The following FGF12 variants were observed in gnomAD, a reference collection of about 807,000 sequenced individuals.
FGF12 encodes the protein fibroblast growth factor 12.
A neutral mutation model predicts 23.6 loss-of-function variants in FGF12; 14 were observed. The ratio of observed to expected loss-of-function variants is 0.59; its 90% CI spans 0.39 to 0.93. The LOEUF is 0.93. Among genes scored for constraint, FGF12 ranks in the 40% least tolerant of loss-of-function variants. FGF12 has a pLI of 0.00. For synonymous variants in FGF12, 62 were observed against 77.3 expected, an observed-to-expected ratio of 0.80 and a Z score of 1.04; for missense variants, 175 against 217.8, an observed-to-expected ratio of 0.80 and a Z score of 1.24.
intron 4 of FGF12, among the ~76,000 whole-genome samples, chr3:192,312,271 T>C (rs1418624353): frequency 6.6e-6 from 1 of 152,162 alleles, no homozygotes; most frequent in Non-Finnish European, 1.5e-5. Context: ...CTATGCTTTC[T>C]TCCATGAGTT....
At chr3:192,693,968 G>A (rs1004233737) in intron 2 of FGF12, among the ~76,000 whole-genome samples, 1 of 152,104 alleles carries the variant, frequency 6.6e-6, no homozygotes, top group Admixed American at 6.5e-5. Context: ...TGGAAAAGCA[G>A]ACTAAAGATT....
intron 4 of FGF12, among the ~76,000 whole-genome samples, chr3:192,202,829 T>G (rs577559147): frequency 5.9e-5 from 9 of 152,288 alleles, no homozygotes; most frequent in Admixed American, 2.0e-4. Context: ...AAAAGTGCTA[T>G]AACACAGTGA....
chr3:192,577,142 C>T (rs770609351), intron 2 of FGF12, among the ~76,000 whole-genome samples: 17 of 152,154 alleles, frequency 1.1e-4, no homozygotes, highest in South Asian at 1.0e-3. Flanking sequence ...CACAATGGCA[C>T]GTGTATACCT....
intron 4 of FGF12, among the ~76,000 whole-genome samples, chr3:192,209,943 C>T (rs761002245): frequency 5.9e-5 from 9 of 152,084 alleles, no homozygotes; most frequent in Admixed American, 2.0e-4. Context: ...GACTCACTTA[C>T]GTGCTCCTTT....
chr3:192,691,679 A>C (rs943392389), intron 2 of FGF12, among the ~76,000 whole-genome samples: 5 of 152,002 alleles, frequency 3.3e-5, no homozygotes, highest in Non-Finnish European at 5.9e-5. Flanking sequence ...AAAAAAAGTA[A>C]TAAAGCTCAC....
At chr3:192,311,008 T>C (rs1180702873) in intron 4 of FGF12, among the ~76,000 whole-genome samples, 1 of 152,204 alleles carries the variant, frequency 6.6e-6, no homozygotes, top group Admixed American at 6.5e-5. Flanking sequence ...CTTTAAAAAA[T>C]GTAATTCAAT....
Position 192,141,946 on chromosome 3 carries a change from TG to T in FGF12, c.*2062del, listed in dbSNP as rs1713416531. On this transcript the variant is annotated 3_prime_UTR_variant, in exon 6 of 6. Coordinates refer to ENST00000445105, the MANE Select transcript of FGF12 (RefSeq NM_004113.6). ...ATTTTTTTCTTTTTTTTTTTGGTTCTGGTAGTGACAGGTGTATTTATAATCA... is the reference window on the plus strand; with the variant it reads ...ATTTTTTTCTTTTTTTTTTTGGTTCTGTAGTGACAGGTGTATTTATAATCA... The T allele has an allele frequency of 6.6e-6, 1 of 152,192 alleles. No homozygotes were observed. The highest frequency in any genetic ancestry group is 1.5e-5 in the Non-Finnish European group (1 of 67,842). The allele number at this position is 152,192 out of a possible 1,614,324, so 9.4% of individuals were successfully genotyped here.
chr3:192,560,219 C>G (rs939317301), intron 2 of FGF12, among the ~76,000 whole-genome samples: 6 of 151,664 alleles, frequency 4.0e-5, no homozygotes, highest in Non-Finnish European at 8.8e-5. Flanking sequence ...TTTGTATGAT[C>G]CAGTTTAACT....
intron 2 of FGF12, among the ~76,000 whole-genome samples, chr3:192,513,609 A>C (rs1210827396): frequency 1.3e-5 from 2 of 152,224 alleles, no homozygotes; most frequent in Non-Finnish European, 2.9e-5. Context: ...GCCATAACCA[A>C]ATGAATCAGA....
At chr3:192,659,153 C>T (rs1244650877) in intron 2 of FGF12, among the ~76,000 whole-genome samples, 1 of 152,138 alleles carries the variant, frequency 6.6e-6, no homozygotes, top group African/African-American at 2.4e-5. Context: ...AAAATGATCC[C>T]AGAAAATTAT....
chr3:192,437,776 C>T (rs1370151282), intron 2 of FGF12, among the ~76,000 whole-genome samples: 2 of 152,058 alleles, frequency 1.3e-5, no homozygotes, highest in South Asian at 4.1e-4. Flanking sequence ...CAAATCTATT[C>T]CTTCAGTCTC....
Position 192,492,574 on chromosome 3 carries a change from TA to T in FGF12, c.14-132037del, listed in dbSNP as rs568319941. Among the ~76,000 whole-genome samples the T allele has an allele frequency of 8.7e-4, 132 of 151,974 alleles. 2 individuals carry two copies. The highest frequency in any genetic ancestry group is 3.1e-3 in the South Asian group (15 of 4,816). ...TTAGTTGACACACAGATGAAACTGT[TA>T]AAAAAAAGTATGGTTATATTAAAGT... On this transcript the variant is annotated intron_variant, in intron 2 of 5. Coordinates refer to ENST00000445105, the MANE Select transcript of FGF12 (RefSeq NM_004113.6).
chr3:192,406,931 G>C (rs375187983), intron 2 of FGF12, among the ~76,000 whole-genome samples: 6 of 152,206 alleles, frequency 3.9e-5, no homozygotes, highest in Admixed American at 2.0e-4. Flanking sequence ...TACAGGGCAG[G>C]CTCCCTTTCC....
chr3:192,646,107 G>T (rs533750308), intron 2 of FGF12, among the ~76,000 whole-genome samples: 6 of 152,246 alleles, frequency 3.9e-5, no homozygotes, highest in Admixed American at 2.0e-4. Flanking sequence ...ATACTGAAAA[G>T]GTCAGTGTGG....
intron 4 of FGF12, among the ~76,000 whole-genome samples, chr3:192,279,180 C>T (rs1489830657): frequency 6.7e-6 from 1 of 149,366 alleles, no homozygotes; most frequent in Non-Finnish European, 1.5e-5. Context: ...AGAAAATGAT[C>T]AGTTTGTATA....
intron 4 of FGF12, among the ~76,000 whole-genome samples, chr3:192,240,710 T>C (rs554390718): frequency 1.3e-5 from 2 of 151,784 alleles, no homozygotes; most frequent in South Asian, 4.2e-4. Context: ...CCTATAAATA[T>C]CTTGGTCTGA....
At chr3:192,592,314 A>C (rs10804948) in intron 2 of FGF12, among the ~76,000 whole-genome samples, 114,027 of 151,600 alleles carry the variant, frequency 0.75, 43,570 homozygotes, top group East Asian at 0.97. Context: ...GCTGGTGTAC[A>C]CTGTAGCACA....
chr3:192,251,606 A>G (rs570734475), intron 4 of FGF12, among the ~76,000 whole-genome samples: 10 of 152,022 alleles, frequency 6.6e-5, no homozygotes, highest in African/African-American at 2.4e-4. Context: ...TCATCAGGAG[A>G]ATGGGTAAAG....
intron 4 of FGF12, among the ~76,000 whole-genome samples, chr3:192,227,365 G>C (rs1157119690): frequency 1.3e-5 from 2 of 152,048 alleles, no homozygotes; most frequent in Non-Finnish European, 2.9e-5. Context: ...CTTGGTTTAT[G>C]AGATATCCTT....
Sources: allele counts gnomAD v4.1 joint callset (sites outside exome capture counted in the v4.1 genomes callset), GRCh38; gene constraint gnomAD v4.1.1; transcripts MANE v1.5; gene names NCBI Gene and HGNC (gene_info 2026-07-23, HGNC 2026-07-21).